INPP4B: variants seen among roughly 807,000 people sequenced by gnomAD.
INPP4B encodes inositol polyphosphate-4-phosphatase type II B, also known as inositol polyphosphate 4-phosphatase type II.
A neutral mutation model predicts 122.5 loss-of-function variants in INPP4B; 55 were observed. That is an observed-to-expected ratio of 0.45 (90% CI 0.36 to 0.56). The LOEUF is 0.56. Among genes scored for constraint, INPP4B ranks in the 20% least tolerant of loss-of-function variants. INPP4B has a pLI of 0.00. For synonymous variants in INPP4B, 403 were observed against 388.7 expected (o/e 1.04, Z -0.43); for missense variants, 1,000 against 1,097.7 (o/e 0.91, Z 1.26).
intron 2 of INPP4B, chr4:142,565,937 C>G (rs1178865493): frequency 2.0e-5 from 3 of 152,138 alleles, no homozygotes; most frequent in Non-Finnish European, 4.4e-5. Flanking sequence ...CTGTCAGAGC[C>G]TCATCGACCT....
At chr4:142,172,428 G>T (rs183084380) in intron 16 of INPP4B, among the ~76,000 whole-genome samples, 1 of 151,798 alleles carries the variant, frequency 6.6e-6, no homozygotes, top group African/African-American at 2.4e-5. Flanking sequence ...CCTATTTGAC[G>T]CAAAGTAAGT....
intron 1 of INPP4B, among the ~76,000 whole-genome samples, chr4:142,845,319 G>A (rs1784050663): frequency 6.6e-6 from 1 of 152,092 alleles, no homozygotes; most frequent in South Asian, 2.1e-4. Flanking sequence ...TGTGGTTCTA[G>A]CATCCTCATC....
intron 25 of INPP4B, among the ~76,000 whole-genome samples, chr4:142,036,587 G>T (rs1382420590): frequency 1.3e-5 from 2 of 152,000 alleles, no homozygotes; most frequent in Non-Finnish European, 2.9e-5. Flanking sequence ...TTCTACAACT[G>T]CCAAGGAATA....
At chr4:142,030,476 A>G (rs1421166742) in intron 25 of INPP4B, among the ~76,000 whole-genome samples, 1 of 152,138 alleles carries the variant, frequency 6.6e-6, no homozygotes, top group Non-Finnish European at 1.5e-5. Context: ...TTGTTTTCTC[A>G]TTGTACTACA....
At chr4:142,402,752 C>T (rs1802045978) in intron 7 of INPP4B, among the ~76,000 whole-genome samples, 186 bp downstream of exon 7, 1 of 152,134 alleles carries the variant, frequency 6.6e-6, no homozygotes, top group Non-Finnish European at 1.5e-5. Context: ...AACTTTTGCT[C>T]CTAACCAATT....
chr4:142,278,632 G>T (rs1749753578), intron 9 of INPP4B, among the ~76,000 whole-genome samples: 1 of 151,752 alleles, frequency 6.6e-6, no homozygotes, highest in African/African-American at 2.4e-5. Context: ...TATTCTCATG[G>T]CCCCAGGAAG....
At chr4:142,655,571 C>T (rs1336062075) in intron 2 of INPP4B, among the ~76,000 whole-genome samples, 1 of 152,166 alleles carries the variant, frequency 6.6e-6, no homozygotes, top group Non-Finnish European at 1.5e-5. Flanking sequence ...CTGCACCTTA[C>T]ATTTTCTATA....
At chr4:142,500,918 G>A (rs1580222918) in intron 2 of INPP4B, among the ~76,000 whole-genome samples, 1 of 151,974 alleles carries the variant, frequency 6.6e-6, no homozygotes, top group Admixed American at 6.6e-5. Flanking sequence ...CAAAGTTTCA[G>A]TTATACAAGA....
intron 2 of INPP4B, among the ~76,000 whole-genome samples, chr4:142,528,090 C>T (rs1827164839): frequency 6.6e-6 from 1 of 152,016 alleles, no homozygotes; most frequent in African/African-American, 2.4e-5. Flanking sequence ...CTTAAACACA[C>T]ATTTTACTAT....
At chr4:142,042,601 C>T (rs2322311) in intron 25 of INPP4B, among the ~76,000 whole-genome samples, 99,795 of 151,526 alleles carry the variant, frequency 0.66, 36,499 homozygotes, top group Non-Finnish European at 0.81. Flanking sequence ...CTCACTCCGT[C>T]GCCCAGGCTG....
intron 2 of INPP4B, among the ~76,000 whole-genome samples, chr4:142,705,314 C>G (rs1295187192): frequency 1.3e-5 from 2 of 152,142 alleles, no homozygotes; most frequent in Non-Finnish European, 2.9e-5. Flanking sequence ...TGCACATTCA[C>G]TGAATGTATC....
At chr4:142,627,677 T>G (rs143195237) in intron 2 of INPP4B, among the ~76,000 whole-genome samples, 113,924 of 148,216 alleles carry the variant, frequency 0.77, 44,544 homozygotes, top group East Asian at 0.85. Flanking sequence ...GAGGATTTTT[T>G]CACGAATGTT....
chr4:142,537,429 T>TATATATATATATATATATAGAG (rs1200701380), intron 2 of INPP4B, among the ~76,000 whole-genome samples: 8 of 25,482 alleles, frequency 3.1e-4, no homozygotes, highest in South Asian at 2.0e-3. Flanking sequence ...TATATATATA[T>TATATATATATATATATATAGAG]AGAGAGAGAG....
At chr4:142,375,855 A>G (rs893419219) in intron 7 of INPP4B, among the ~76,000 whole-genome samples, 1 of 151,948 alleles carries the variant, frequency 6.6e-6, no homozygotes, top group Admixed American at 6.6e-5. Context: ...ACCCAATAAC[A>G]GCAAGTGCCC....
chr4:142,290,949 T>C (rs907794888), intron 9 of INPP4B, among the ~76,000 whole-genome samples: 2 of 152,264 alleles, frequency 1.3e-5, no homozygotes, highest in Admixed American at 6.5e-5. Flanking sequence ...CAGGCACTAG[T>C]TCAATTTTTT....
Position 142,551,993 on chromosome 4 carries a change from C to T in INPP4B, c.-190-89267G>A, listed in dbSNP as rs558607659. Among the ~76,000 whole-genome samples, 84 of 152,062 alleles carry T rather than the reference C, an allele frequency of 5.5e-4. 1 individual carries two copies. The highest frequency in any genetic ancestry group is 8.1e-4 in the Non-Finnish European group (55 of 68,024). ...ATCCCTGCTGTAGTTCTGAACTAGA[C>T]GCATATAAATGTCAAGTGGCGGGGG... On this transcript the variant is annotated intron_variant, in intron 2 of 25. Coordinates refer to ENST00000262992, the MANE Select transcript of INPP4B (RefSeq NM_001101669.3).
At chr4:142,560,930 A>T (rs1322972364) in intron 2 of INPP4B, among the ~76,000 whole-genome samples, 2 of 152,212 alleles carry the variant, frequency 1.3e-5, no homozygotes, top group African/African-American at 4.8e-5. Flanking sequence ...ACTAATTTTT[A>T]AAAAACCAGT....
chr4:142,544,701 G>A (rs977188584), intron 2 of INPP4B, among the ~76,000 whole-genome samples: 8 of 152,042 alleles, frequency 5.3e-5, no homozygotes, highest in African/African-American at 1.9e-4. Context: ...TATGAGACAG[G>A]GCAGGCTGAC....
intron 2 of INPP4B, among the ~76,000 whole-genome samples, chr4:142,488,942 C>T (rs1367279260): frequency 1.3e-5 from 2 of 151,974 alleles, no homozygotes; most frequent in African/African-American, 4.8e-5. Context: ...AACGTGAAAA[C>T]TTAGTTAACT....
Sources: allele counts gnomAD v4.1 joint callset (sites outside exome capture counted in the v4.1 genomes callset), GRCh38; gene constraint gnomAD v4.1.1; transcripts MANE v1.5; gene names NCBI Gene and HGNC (gene_info 2026-07-23, HGNC 2026-07-21).